SIPA1L1: variants seen among roughly 807,000 people sequenced by gnomAD.
SIPA1L1 encodes signal-induced proliferation-associated 1-like protein 1.
SIPA1L1 carries 26 observed loss-of-function variants against 162.7 expected under a neutral mutation model. The observed-to-expected ratio is 0.16, with a 90% CI of 0.12 to 0.22. SIPA1L1 has a LOEUF of 0.22. SIPA1L1 is among the 10% of genes least tolerant of loss of function. The probability of loss-of-function intolerance (pLI) is 1.00; values close to 1 mark genes in which losing one functional copy is unlikely to be tolerated. For missense variants in SIPA1L1, 1,874 were observed against 2,241.0 expected, an observed-to-expected ratio of 0.84 and a Z score of 3.31; for synonymous variants, 829 against 837.4, an observed-to-expected ratio of 0.99 and a Z score of 0.17.
At chr14:71,395,522 G>A (rs2041111559) in intron 2 of SIPA1L1, among the ~76,000 whole-genome samples, 1 of 152,148 alleles carries the variant, frequency 6.6e-6, no homozygotes, top group African/African-American at 2.4e-5. Flanking sequence ...AATTAGCTGG[G>A]CGCAGTAGGA....
intron 2 of SIPA1L1, among the ~76,000 whole-genome samples, chr14:71,433,894 A>G (rs117161831): frequency 1.4e-3 from 209 of 152,276 alleles, no homozygotes; most frequent in Non-Finnish European, 2.5e-3. Context: ...TATATTCTCT[A>G]CAGCCCCTAG....
intron 4 of SIPA1L1, among the ~76,000 whole-genome samples, chr14:71,568,515 T>G (rs1226870752): frequency 6.7e-6 from 1 of 148,298 alleles, no homozygotes; most frequent in Non-Finnish European, 1.5e-5. Context: ...CTCCTTAGCA[T>G]AGTTCCTCCT....
intron 4 of SIPA1L1, among the ~76,000 whole-genome samples, chr14:71,532,727 A>G (rs887517720): frequency 5.9e-5 from 9 of 152,260 alleles, no homozygotes. Context: ...GAGGGTACGT[A>G]TACACTGATG....
intron 2 of SIPA1L1, among the ~76,000 whole-genome samples, chr14:71,451,282 G>T (rs752708185): frequency 6.6e-6 from 1 of 151,912 alleles, no homozygotes; most frequent in Non-Finnish European, 1.5e-5. Context: ...TGATAAAAAG[G>T]GTACAAATTT....
intron 8 of SIPA1L1, among the ~76,000 whole-genome samples, chr14:71,655,693 G>A (rs189447068): frequency 6.6e-6 from 1 of 152,154 alleles, no homozygotes; most frequent in Non-Finnish European, 1.5e-5. Flanking sequence ...TCTCATTGTG[G>A]TTTTAATGTA....
At chr14:71,505,421 CTT>C (rs530843410) in intron 2 of SIPA1L1, among the ~76,000 whole-genome samples, 17 of 128,502 alleles carry the variant, frequency 1.3e-4, no homozygotes, top group Non-Finnish European at 1.7e-4. Context: ...TCTCTTTCTT[CTT>C]TTTTTTTTTT....
chr14:71,509,338 T>A (rs1246399971), intron 2 of SIPA1L1, among the ~76,000 whole-genome samples: 1 of 152,242 alleles, frequency 6.6e-6, no homozygotes, highest in Non-Finnish European at 1.5e-5. Context: ...AATTTGAACA[T>A]CTAATTGGTT....
intron 13 of SIPA1L1, among the ~76,000 whole-genome samples, chr14:71,687,107 A>G (rs932401473): frequency 2.0e-5 from 3 of 152,242 alleles, no homozygotes; most frequent in Non-Finnish European, 4.4e-5. Flanking sequence ...ATAATTTAAT[A>G]AAAACAGACA....
chr14:71,427,227 C>T (rs973456008), intron 2 of SIPA1L1, among the ~76,000 whole-genome samples: 3 of 151,030 alleles, frequency 2.0e-5, no homozygotes, highest in African/African-American at 4.8e-5. Context: ...TGGTAGTCAA[C>T]TTTCTCAGCT....
chr14:71,394,937 A>G (rs1227780809), intron 2 of SIPA1L1, among the ~76,000 whole-genome samples: 1 of 152,230 alleles, frequency 6.6e-6, no homozygotes, highest in South Asian at 2.1e-4. Flanking sequence ...ATTAATGGAT[A>G]AAAAATTTGG....
At chr14:71,504,672 A>G (rs1423843586) in intron 2 of SIPA1L1, among the ~76,000 whole-genome samples, 2 of 152,352 alleles carry the variant, frequency 1.3e-5, no homozygotes, top group Middle Eastern at 3.4e-3. Flanking sequence ...ACTATGGCAC[A>G]TTGCTAAGAT....
At chr14:71,440,356 A>T (rs1238128897) in intron 2 of SIPA1L1, among the ~76,000 whole-genome samples, 1 of 152,124 alleles carries the variant, frequency 6.6e-6, no homozygotes, top group Non-Finnish European at 1.5e-5. Flanking sequence ...TAAGATGATT[A>T]AAAAAATAAA....
At chr14:71,481,417 T>C (rs2048342924) in intron 2 of SIPA1L1, among the ~76,000 whole-genome samples, 1 of 152,128 alleles carries the variant, frequency 6.6e-6, no homozygotes, top group Admixed American at 6.5e-5. Flanking sequence ...AGGCAGAGGT[T>C]GCAGTGAACT....
chr14:71,722,101 C>T (rs1478227983), intron 17 of SIPA1L1, among the ~76,000 whole-genome samples: 2 of 152,232 alleles, frequency 1.3e-5, no homozygotes, highest in Non-Finnish European at 2.9e-5. Flanking sequence ...TGCACAGATT[C>T]TCTCTCCAAG....
At chr14:71,657,880 T>C (rs2043196427) in intron 8 of SIPA1L1, among the ~76,000 whole-genome samples, 1 of 152,170 alleles carries the variant, frequency 6.6e-6, no homozygotes, top group Non-Finnish European at 1.5e-5. Flanking sequence ...AGTAATTCAT[T>C]TACCTGTGAT....
intron 7 of SIPA1L1, among the ~76,000 whole-genome samples, chr14:71,631,342 G>A (rs1037572234): frequency 6.6e-6 from 1 of 152,112 alleles, no homozygotes; most frequent in African/African-American, 2.4e-5. Context: ...AGGTTTCCCA[G>A]TATTTTTACT....
intron 4 of SIPA1L1, among the ~76,000 whole-genome samples, chr14:71,542,758 T>G (rs1010576501): frequency 3.4e-5 from 5 of 148,956 alleles, no homozygotes; most frequent in African/African-American, 1.2e-4. Flanking sequence ...TCTTTTTTTT[T>G]TTTTTTACGA....
chr14:71,382,724 C>T (rs1370783497), intron 2 of SIPA1L1, among the ~76,000 whole-genome samples: 1 of 151,990 alleles, frequency 6.6e-6, no homozygotes, highest in Non-Finnish European at 1.5e-5. Context: ...CCAGTCTGTT[C>T]TTAATTAAAG....
chr14:71,556,963 T>G (rs1053093196), intron 4 of SIPA1L1, among the ~76,000 whole-genome samples: 11 of 152,136 alleles, frequency 7.2e-5, no homozygotes, highest in Admixed American at 5.2e-4. Flanking sequence ...GAGCCCTGCC[T>G]TGGGCAGGTG....
Sources: allele counts gnomAD v4.1 joint callset (sites outside exome capture counted in the v4.1 genomes callset), GRCh38; gene constraint gnomAD v4.1.1; transcripts MANE v1.5; gene names NCBI Gene and HGNC (gene_info 2026-07-23, HGNC 2026-07-21).